PTPRC: variants seen among roughly 807,000 people sequenced by gnomAD.
PTPRC encodes the protein protein tyrosine phosphatase receptor type C.
PTPRC carries 44 observed loss-of-function variants against 155.9 expected under a neutral mutation model. That is an observed-to-expected ratio of 0.28 (90% CI 0.22 to 0.36). The LOEUF (loss-of-function observed/expected upper bound fraction) is 0.36, where lower values mean the gene tolerates loss of function less well. Ranked by LOEUF, PTPRC falls within the 10% of genes least tolerant of loss-of-function variation. PTPRC has a pLI of 1.00. For synonymous variants in PTPRC, 525 were observed against 533.1 expected (o/e 0.98, Z 0.21); for missense variants, 1,401 against 1,564.6 (o/e 0.90, Z 1.76).
At chr1:198,728,565 CA>C (rs1279267205) in intron 16 of PTPRC, 117 bp downstream of exon 16, 2 of 1,216,782 alleles carry the variant, frequency 1.6e-6, no homozygotes, top group African/African-American at 3.1e-5. Flanking sequence ...GAGAAGACAG[CA>C]TACAGCCCAC....
At chr1:198,647,199 C>T (rs1480995179) in intron 2 of PTPRC, among the ~76,000 whole-genome samples, 2 of 151,834 alleles carry the variant, frequency 1.3e-5, no homozygotes, top group African/African-American at 2.4e-5. Context: ...CTCTTCAGCC[C>T]CTTTCACACC....
chr1:198,728,368 G>A lies in PTPRC; in HGVS notation c.1749G>A (p.Leu583=). 6.2e-7 allele frequency: 1 copy of A among 1,612,732 alleles called. No homozygotes were observed. Among genetic ancestry groups the A allele is most frequent in the Non-Finnish European group, 8.5e-7 (1 of 1,179,436 alleles). The part of the protein sequence containing the change: ...SYNSKALIAF[L]AFLIIVTSIA... The stretch of plus-strand genomic sequence containing the variant: ...ATTCTAAGGCACTGATAGCATTTCT[G>A]GCATTTCTGATTATTGTGACATCAA... Residue 583 remains leucine (L), a synonymous_variant, in exon 16 of 33, where the codon CTG becomes CTA. Transcript: ENST00000442510.
intron 6 of PTPRC, 24 bp downstream of exon 6, chr1:198,702,554 T>G: frequency 1.2e-6 from 2 of 1,613,714 alleles, no homozygotes; most frequent in East Asian, 2.2e-5. Context: ...GCTCTAGTAG[T>G]GTCTTCAGTT....
chr1:198,743,147 AGG>A (rs1654988508), intron 25 of PTPRC, among the ~76,000 whole-genome samples: 1 of 151,488 alleles, frequency 6.6e-6, no homozygotes. Flanking sequence ...ATAGGGGAAT[AGG>A]AAGACAAAAT....
At chr1:198,679,713 G>A (rs1415633464) in intron 2 of PTPRC, 7 of 377,026 alleles carry the variant, frequency 1.9e-5, no homozygotes, top group African/African-American at 8.3e-5. Flanking sequence ...TGTGCCCTCC[G>A]GAGGCCCGAG....
At chr1:198,725,155 G>T (rs982011197) in intron 15 of PTPRC, among the ~76,000 whole-genome samples, 4 of 152,052 alleles carry the variant, frequency 2.6e-5, no homozygotes, top group African/African-American at 7.2e-5. Flanking sequence ...GTAACCTGAA[G>T]ATTTATATAT....
At position 198,706,613 on chromosome 1, in the gene PTPRC, G is replaced by A; in HGVS notation, c.686-121G>A. On this transcript the variant is annotated intron_variant, in intron 8 of 32. Coordinates refer to ENST00000442510, the MANE Select transcript of PTPRC (RefSeq NM_002838.5). ...AAAATGATATGGAGGCACCTAATGT[G>A]TTTTTTCTTTTTCATGTTTTTTGGG... is the stretch of plus-strand genomic sequence containing the variant. 5.4e-6 allele frequency: 6 copies of A among 1,105,972 alleles called. No individual in the cohort carries two copies. In the East Asian group the frequency reaches 1.5e-4, roughly 28 times the overall value. 68.5% of individuals were successfully genotyped at this position (1,105,972 alleles called of 1,614,324 possible).
chr1:198,698,902 A>G (rs1420214180), intron 4 of PTPRC, among the ~76,000 whole-genome samples: 1 of 152,142 alleles, frequency 6.6e-6, no homozygotes, highest in South Asian at 2.1e-4. Flanking sequence ...CCATTGTTGT[A>G]TATCCTCCAG....
chr1:198,756,073 C>A lies in PTPRC; in HGVS notation c.3813C>A (p.Leu1271=), dbSNP rs142652490. 543 of 1,613,474 alleles carry A rather than the reference C, an allele frequency of 3.4e-4. 2 individuals are homozygous for A. In the Middle Eastern group the frequency reaches 7.6e-3, roughly 23 times the overall value. The stretch of plus-strand genomic sequence containing the variant: ...ATCCACTTGGTGCCCCAGAAAAGCT[C>A]CCTGAAGCAAAGGAACAGGCTGAAG... ...CVNPLGAPEK[L]PEAKEQAEGS... is the part of the protein sequence containing the mutation. Residue 1271 remains leucine (L), a synonymous_variant, in exon 33 of 33, where the codon CTC becomes CTA. Transcript: ENST00000442510.
At chr1:198,700,728 C>G (rs944881523) in intron 5 of PTPRC, among the ~76,000 whole-genome samples, 5 of 152,156 alleles carry the variant, frequency 3.3e-5, no homozygotes, top group Non-Finnish European at 5.9e-5. Flanking sequence ...CTGTCCTGAT[C>G]AAGGAATTCT....
intron 25 of PTPRC, among the ~76,000 whole-genome samples, chr1:198,743,104 A>G (rs1338060357): frequency 1.3e-5 from 2 of 150,674 alleles, no homozygotes; most frequent in African/African-American, 4.9e-5. Flanking sequence ...ATACATATCA[A>G]TGAAAGAATG....
intron 5 of PTPRC, among the ~76,000 whole-genome samples, chr1:198,700,357 C>T (rs1276087671): frequency 6.6e-6 from 1 of 152,176 alleles, no homozygotes; most frequent in Non-Finnish European, 1.5e-5. Context: ...TATATAATTT[C>T]AGTGATCTGA....
At chr1:198,645,062 C>T (rs1417690726) in intron 2 of PTPRC, among the ~76,000 whole-genome samples, 1 of 151,666 alleles carries the variant, frequency 6.6e-6, no homozygotes, top group African/African-American at 2.4e-5. Context: ...ATCCACCCTC[C>T]AAAATAGGGA....
intron 2 of PTPRC, chr1:198,678,996 T>G (rs1665123507): frequency 4.8e-6 from 1 of 209,532 alleles, no homozygotes; most frequent in Non-Finnish European, 9.4e-6. Flanking sequence ...CAGGAAAAGT[T>G]ACCCTAAACC....
At chr1:198,751,031 C>T (rs764356160) in intron 29 of PTPRC, among the ~76,000 whole-genome samples, 1 of 151,980 alleles carries the variant, frequency 6.6e-6, no homozygotes. Context: ...TCCATCCTCT[C>T]CACTCTGGAC....
At chr1:198,680,383 G>A (rs1196917845) in intron 2 of PTPRC, among the ~76,000 whole-genome samples, 1 of 151,802 alleles carries the variant, frequency 6.6e-6, no homozygotes, top group East Asian at 1.9e-4. Context: ...AACCCGGCAG[G>A]CGGAGGTTGC....
intron 11 of PTPRC, among the ~76,000 whole-genome samples, chr1:198,710,706 C>A (rs1030873462): frequency 5.9e-5 from 9 of 152,046 alleles, no homozygotes; most frequent in African/African-American, 2.2e-4. Flanking sequence ...CTGTTGTTTT[C>A]TTAATCACAT....
rs73083332 is a variant in PTPRC, at chr1:198,738,323, C to T, written c.2403+3071C>T. Among the ~76,000 whole-genome samples, 1,238 of 151,726 alleles carry T rather than the reference C, an allele frequency of 8.2e-3. 18 individuals are homozygous for T. The highest frequency in any genetic ancestry group is 0.029 in the African/African-American group (1,182 of 41,444). ...ACTTTCATTCTGTTGAGGTATATTC[C>T]TTCGTTACCCTGTTTTTTGAGGTTT... is the stretch of plus-strand genomic sequence containing the variant. On this transcript the variant is annotated intron_variant, in intron 23 of 32. Coordinates refer to ENST00000442510, the MANE Select transcript of PTPRC (RefSeq NM_002838.5).
At chr1:198,691,200 C>G (rs1665907245) in intron 2 of PTPRC, among the ~76,000 whole-genome samples, 2 of 152,060 alleles carry the variant, frequency 1.3e-5, no homozygotes, top group African/African-American at 4.8e-5. Context: ...ATATGCTGAT[C>G]TATAGCATCA....
Sources: gnomAD v4.1 joint callset for allele counts (sites outside exome capture counted in the v4.1 genomes callset) on GRCh38, gnomAD v4.1.1 for gene constraint, MANE v1.5 for transcripts, NCBI Gene and HGNC (gene_info 2026-07-23, HGNC 2026-07-21) for gene names.